The following ZFHX3 variants were observed in gnomAD, a reference collection of about 807,000 sequenced individuals.
ZFHX3 encodes the protein zinc finger homeobox 3.
Under a neutral mutation model 279.1 loss-of-function variants are expected in ZFHX3, and 42 were observed. The observed-to-expected ratio is 0.15, with a 90% CI of 0.12 to 0.19. ZFHX3 has a LOEUF of 0.19. Ranked by LOEUF, ZFHX3 falls within the 10% of genes least tolerant of loss-of-function variation. ZFHX3 has a pLI of 1.00. For missense variants in ZFHX3, 4,981 were observed against 4,754.0 expected, an observed-to-expected ratio of 1.05 and a Z score of -1.40; for synonymous variants, 2,293 against 1,957.8, an observed-to-expected ratio of 1.17 and a Z score of -4.52.
intron 5 of ZFHX3, among the ~76,000 whole-genome samples, chr16:73,213,014 T>C (rs568285092): frequency 6.6e-6 from 1 of 152,230 alleles, no homozygotes; most frequent in African/African-American, 2.4e-5. Context: ...TGTCCTTGAC[T>C]CTTTTTGACT....
At chr16:72,979,999 T>A (rs1181435892) in intron 1 of ZFHX3, among the ~76,000 whole-genome samples, 1 of 152,228 alleles carries the variant, frequency 6.6e-6, no homozygotes, top group Non-Finnish European at 1.5e-5. Context: ...GGGATAAGAC[T>A]AGGTGCAAGT....
chr16:72,810,717 T>C (rs1387953149), intron 7 of ZFHX3, among the ~76,000 whole-genome samples: 1 of 152,170 alleles, frequency 6.6e-6, no homozygotes, highest in Non-Finnish European at 1.5e-5. Context: ...CACCATTTTC[T>C]TGCTTTAAAA....
At chr16:73,265,933 C>T (rs916321021) in intron 4 of ZFHX3, among the ~76,000 whole-genome samples, 8 of 152,196 alleles carry the variant, frequency 5.3e-5, no homozygotes, top group Admixed American at 3.3e-4. Context: ...GGCGTGGGTG[C>T]CATCTGATCG....
At chr16:73,166,478 G>A (rs1967370721) in intron 5 of ZFHX3, among the ~76,000 whole-genome samples, 1 of 152,094 alleles carries the variant, frequency 6.6e-6, no homozygotes, top group Admixed American at 6.6e-5. Context: ...GGAAGTTATG[G>A]CTAGACGAAG....
intron 2 of ZFHX3, among the ~76,000 whole-genome samples, chr16:73,605,176 T>C (rs1336985509): frequency 1.3e-5 from 2 of 152,150 alleles, no homozygotes; most frequent in African/African-American, 2.4e-5. Flanking sequence ...TCGAACACTT[T>C]CAAGACACTC....
chr16:73,479,061 A>C (rs1346351803), intron 2 of ZFHX3, among the ~76,000 whole-genome samples: 1 of 152,118 alleles, frequency 6.6e-6, no homozygotes, highest in Admixed American at 6.5e-5. Flanking sequence ...CAAAAACAAA[A>C]CAAAACAAAA....
intron 4 of ZFHX3, among the ~76,000 whole-genome samples, chr16:73,268,068 G>C (rs1321993646): frequency 6.6e-6 from 1 of 152,154 alleles, no homozygotes; most frequent in Non-Finnish European, 1.5e-5. Context: ...TATGGCTATG[G>C]TGATAAGTGG....
chr16:73,811,007 G>A (rs1248516588), intron 1 of ZFHX3, among the ~76,000 whole-genome samples: 1 of 151,996 alleles, frequency 6.6e-6, no homozygotes, highest in Non-Finnish European at 1.5e-5. Context: ...AACTACACAG[G>A]AGGCCTGAGA....
intron 4 of ZFHX3, among the ~76,000 whole-genome samples, chr16:73,265,015 C>CATATATAT (rs59599339): frequency 0.04 from 5,622 of 142,022 alleles, 268 homozygotes; most frequent in East Asian, 0.16. Context: ...CACCTCAGTG[C>CATATATAT]ATATATATAT....
At chr16:73,712,843 T>C (rs1280198323) in intron 1 of ZFHX3, among the ~76,000 whole-genome samples, 1 of 152,236 alleles carries the variant, frequency 6.6e-6, no homozygotes, top group Non-Finnish European at 1.5e-5. Context: ...CCCCAGTTTG[T>C]GGCCCAGCAA....
At chr16:72,830,042 G>A (rs948554183) in intron 4 of ZFHX3, among the ~76,000 whole-genome samples, 183 bp from the exon 5 acceptor site, 1 of 152,154 alleles carries the variant, frequency 6.6e-6, no homozygotes, top group Admixed American at 6.5e-5. Flanking sequence ...TAAGCAGTGG[G>A]GACTTTCCTT....
intron 5 of ZFHX3, among the ~76,000 whole-genome samples, chr16:73,245,460 T>C (rs2144948608): frequency 6.6e-6 from 1 of 152,276 alleles, no homozygotes; most frequent in East Asian, 1.9e-4. Flanking sequence ...CAACACTGTG[T>C]CAGGCAAACA....
At chr16:73,273,188 C>T (rs2014199722) in intron 4 of ZFHX3, among the ~76,000 whole-genome samples, 1 of 152,118 alleles carries the variant, frequency 6.6e-6, no homozygotes, top group Non-Finnish European at 1.5e-5. Context: ...TTGGGGTTCA[C>T]CTGCTACAAG....
In ZFHX3 at chr16:73,292,080, A is replaced by G. The variant is rs370781853; in HGVS notation, c.-1194+26160T>C. 1.4e-4 allele frequency among the ~76,000 whole-genome samples: 21 copies of G among 152,312 alleles called. 1 individual carries two copies. Among genetic ancestry groups the G allele is most frequent in the South Asian group, 1.2e-3 (6 of 4,824 alleles). ...ATGTAAGACCATGTTCAAGTTCATT[A>G]TGTTACTTATCTTATAGATAGTTGT... On this transcript the variant is annotated intron_variant, in intron 4 of 17. Coordinates refer to the ZFHX3 transcript ENST00000641206.
intron 1 of ZFHX3, among the ~76,000 whole-genome samples, chr16:72,986,781 G>C (rs570728922): frequency 6.6e-6 from 1 of 152,272 alleles, no homozygotes; most frequent in Admixed American, 6.5e-5. Context: ...TGCGATTAAG[G>C]ATGGCAGCCC....
chr16:73,163,104 G>T (rs1967277735), intron 5 of ZFHX3, among the ~76,000 whole-genome samples: 1 of 152,182 alleles, frequency 6.6e-6, no homozygotes, highest in South Asian at 2.1e-4. Context: ...CTTTCATTCA[G>T]TCGGGACAAC....
chr16:73,684,774 T>A (rs897980467), intron 1 of ZFHX3, among the ~76,000 whole-genome samples: 2 of 150,494 alleles, frequency 1.3e-5, no homozygotes, highest in Non-Finnish European at 2.9e-5. Context: ...GATCTCAGCT[T>A]ACTACAACCT....
At chr16:73,576,665 C>A (rs1162505234) in intron 2 of ZFHX3, among the ~76,000 whole-genome samples, 1 of 151,748 alleles carries the variant, frequency 6.6e-6, no homozygotes, top group Non-Finnish European at 1.5e-5. Flanking sequence ...TCTGTGTAAT[C>A]CTCCCTAGAA....
chr16:72,868,978 G>C (rs763983323), intron 4 of ZFHX3, among the ~76,000 whole-genome samples: 13 of 152,236 alleles, frequency 8.5e-5, no homozygotes, highest in Non-Finnish European at 1.9e-4. Flanking sequence ...AAAATCAGAA[G>C]GCTGTATTTC....
Sources: gnomAD v4.1 joint callset for allele counts (sites outside exome capture counted in the v4.1 genomes callset) on GRCh38, gnomAD v4.1.1 for gene constraint, MANE v1.5 for transcripts, NCBI Gene and HGNC (gene_info 2026-07-23, HGNC 2026-07-21) for gene names.